The following OSBPL8 variants were observed in gnomAD, a reference collection of about 807,000 sequenced individuals.
The protein encoded by OSBPL8 is oxysterol-binding protein-related protein 8.
Under a neutral mutation model 125.5 loss-of-function variants are expected in OSBPL8, and 59 were observed. That is an observed-to-expected ratio of 0.47 (90% CI 0.38 to 0.58). OSBPL8 has a LOEUF of 0.58. Among genes scored for constraint, OSBPL8 ranks in the 20% least tolerant of loss-of-function variants. OSBPL8 has a pLI of 0.00. For synonymous variants in OSBPL8, 330 were observed against 338.9 expected (o/e 0.97, Z 0.29); for missense variants, 758 against 1,047.8 (o/e 0.72, Z 3.82).
At chr12:76,500,195 CT>C (rs1189161962) in intron 1 of OSBPL8, among the ~76,000 whole-genome samples, 1 of 152,202 alleles carries the variant, frequency 6.6e-6, no homozygotes, top group Non-Finnish European at 1.5e-5. Context: ...TTTGCTTATA[CT>C]TGCCTTTCTC....
At chr12:76,523,745 T>C (rs537274720) in intron 1 of OSBPL8, among the ~76,000 whole-genome samples, 2 of 152,182 alleles carry the variant, frequency 1.3e-5, no homozygotes, top group Admixed American at 6.5e-5. Context: ...TCTCAGACTT[T>C]CCAGCCCCCA....
intron 15 of OSBPL8, among the ~76,000 whole-genome samples, chr12:76,381,202 T>C (rs1023776362): frequency 6.6e-6 from 1 of 151,732 alleles, no homozygotes; most frequent in African/African-American, 2.4e-5. Context: ...ATCTGTAGTT[T>C]ATTTTCTTGT....
intron 10 of OSBPL8, 126 bp from the exon 11 acceptor site, chr12:76,390,783 CAT>C (rs1051857080): frequency 1.6e-6 from 1 of 639,936 alleles, no homozygotes; most frequent in African/African-American, 1.8e-5. Context: ...AAGTGTTTTA[CAT>C]AGTGTTAATT....
chr12:76,549,186 T>C (rs931432424), intron 1 of OSBPL8, among the ~76,000 whole-genome samples: 2 of 151,808 alleles, frequency 1.3e-5, no homozygotes, highest in Non-Finnish European at 2.9e-5. Flanking sequence ...AAAAACATGA[T>C]GAAGGGAGGA....
rs7132494 is a variant in OSBPL8, at chr12:76,375,502, A to C, written c.1730-132T>G. On this transcript the variant is annotated intron_variant, in intron 16 of 23. Coordinates refer to ENST00000261183, the MANE Select transcript of OSBPL8 (RefSeq NM_020841.5). Reference sequence around the variant, plus strand: ...TCACTCTGTCCCACTCAAATGAAAAACTATAATATAGACATACAGTTGGTT... The same window carrying C: ...TCACTCTGTCCCACTCAAATGAAAACCTATAATATAGACATACAGTTGGTT... 2.9e-3 allele frequency: 1,701 copies of C among 594,458 alleles called. 17 individuals are homozygous for C. Among genetic ancestry groups the C allele is most frequent in the African/African-American group, 0.028 (1,520 of 53,532 alleles). The allele number at this position is 594,458 out of a possible 1,614,324, so 36.8% of individuals were successfully genotyped here.
intron 8 of OSBPL8, among the ~76,000 whole-genome samples, chr12:76,395,390 T>C (rs1177676544): frequency 6.6e-6 from 1 of 152,196 alleles, no homozygotes; most frequent in Non-Finnish European, 1.5e-5. Context: ...AAGTATAATT[T>C]TGATACAAAA....
chr12:76,480,410 C>G (rs1242020941), intron 2 of OSBPL8, among the ~76,000 whole-genome samples: 3 of 151,938 alleles, frequency 2.0e-5, no homozygotes, highest in African/African-American at 2.4e-5. Context: ...AATGTCAATC[C>G]AAGTTGATAA....
chr12:76,503,080 G>T (rs1303802424), intron 1 of OSBPL8, among the ~76,000 whole-genome samples: 4 of 152,178 alleles, frequency 2.6e-5, no homozygotes, highest in Admixed American at 2.6e-4. Flanking sequence ...TACATTTTAC[G>T]CAAGACAGTT....
intron 1 of OSBPL8, among the ~76,000 whole-genome samples, chr12:76,518,447 C>T (rs1167403176): frequency 1.3e-5 from 2 of 152,162 alleles, no homozygotes; most frequent in Admixed American, 6.5e-5. Flanking sequence ...GCTCAGGGTA[C>T]AAGCTAACAG....
intron 1 of OSBPL8, among the ~76,000 whole-genome samples, chr12:76,555,187 CACA>C (rs995574910): frequency 6.6e-6 from 1 of 152,106 alleles, no homozygotes; most frequent in African/African-American, 2.4e-5. Context: ...CTTATTTCAT[CACA>C]ACAATGAATA....
chr12:76,542,008 C>T (rs1455847339), intron 1 of OSBPL8, among the ~76,000 whole-genome samples: 1 of 151,920 alleles, frequency 6.6e-6, no homozygotes, highest in Non-Finnish European at 1.5e-5. Flanking sequence ...CCTGTTTCTA[C>T]TAAAAATACA....
chr12:76,481,795 A>G (rs1877527383), intron 2 of OSBPL8, among the ~76,000 whole-genome samples: 1 of 152,240 alleles, frequency 6.6e-6, no homozygotes, highest in Admixed American at 6.5e-5. Context: ...CCCACTCAAA[A>G]TAATACTTGC....
At chr12:76,493,864 T>A (rs1878995898) in intron 1 of OSBPL8, among the ~76,000 whole-genome samples, 1 of 152,190 alleles carries the variant, frequency 6.6e-6, no homozygotes, top group Non-Finnish European at 1.5e-5. Flanking sequence ...CCTAAATCTG[T>A]AGGCTTTTCA....
At position 76,369,871 on chromosome 12, in the gene OSBPL8, TA is replaced by T. The variant is rs533101858; in HGVS notation, c.2055-50del. On this transcript the variant is annotated intron_variant, in intron 19 of 23. Coordinates refer to ENST00000261183, the MANE Select transcript of OSBPL8 (RefSeq NM_020841.5). ...AAAGTATTAAAAATGTAACAGAAAA[TA>T]AAATCTATATAGAATAGGCCTCAAA... 1.7e-4 allele frequency: 263 copies of T among 1,511,224 alleles called. No individual in the cohort carries two copies. The African/African-American group carries it at 3.5e-3, about 20-fold the overall frequency. 93.6% of individuals were successfully genotyped at this position (1,511,224 alleles called of 1,614,324 possible). A position where few individuals can be genotyped will look rare whatever the true frequency, so the allele number is the denominator to read the frequency against.
intron 1 of OSBPL8, among the ~76,000 whole-genome samples, chr12:76,509,889 T>C (rs1880802790): frequency 6.6e-6 from 1 of 152,018 alleles, no homozygotes; most frequent in Non-Finnish European, 1.5e-5. Flanking sequence ...TACCTAAAAA[T>C]ATAAGGGAAA....
intron 5 of OSBPL8, among the ~76,000 whole-genome samples, chr12:76,407,354 G>GC (rs1216540236): frequency 6.6e-6 from 1 of 152,178 alleles, no homozygotes; most frequent in Non-Finnish European, 1.5e-5. Flanking sequence ...CTGGGCTCAA[G>GC]CATCTCCTGC....
chr12:76,384,004 A>G (rs1458580010), intron 15 of OSBPL8, among the ~76,000 whole-genome samples: 1 of 152,242 alleles, frequency 6.6e-6, no homozygotes, highest in African/African-American at 2.4e-5. Flanking sequence ...TTTATGCACT[A>G]AAGGGCTATA....
chr12:76,476,914 C>T (rs1028842365), intron 2 of OSBPL8, among the ~76,000 whole-genome samples: 6 of 152,054 alleles, frequency 3.9e-5, no homozygotes, highest in African/African-American at 1.4e-4. Context: ...GAAAAGTAAG[C>T]AGACATTCAA....
intron 4 of OSBPL8, among the ~76,000 whole-genome samples, chr12:76,441,588 A>C (rs1276951105): frequency 6.6e-6 from 1 of 152,152 alleles, no homozygotes; most frequent in Non-Finnish European, 1.5e-5. Context: ...AAAACATAGA[A>C]GGCTAAATCC....
Sources: gnomAD v4.1 joint callset for allele counts (sites outside exome capture counted in the v4.1 genomes callset) on GRCh38, gnomAD v4.1.1 for gene constraint, MANE v1.5 for transcripts, NCBI Gene and HGNC (gene_info 2026-07-23, HGNC 2026-07-21) for gene names.